PCDH15: variants seen among roughly 807,000 people sequenced by gnomAD.
The protein encoded by PCDH15 is protocadherin related 15.
A neutral mutation model predicts 178.5 loss-of-function variants in PCDH15; 129 were observed. The observed-to-expected ratio is 0.72, with a 90% confidence interval of 0.63 to 0.84. The LOEUF (loss-of-function observed/expected upper bound fraction) is 0.84. Ranked by LOEUF, PCDH15 falls within the 40% of genes least tolerant of loss-of-function variation. The pLI is 0.00. For missense variants in PCDH15, 2,230 were observed against 2,099.9 expected (o/e 1.06, Z -1.21); for synonymous variants, 800 against 732.0 (o/e 1.09, Z -1.50).
rs1488441993 is a variant in PCDH15, at chr10:55,343,856, C to T, written c.-155-177205G>A. ...ACAGTCAATAAAATAGTTAGAAAAA[C>T]AGAAAAAAACTCAATGCCTTCAAAA... On this transcript the variant is annotated intron_variant, in intron 2 of 5. Transcript: ENST00000613346. Among the ~76,000 whole-genome samples the T allele has an allele frequency of 2.0e-5, 3 of 151,924 alleles. No individual in the cohort carries two copies. In the East Asian group the frequency reaches 5.8e-4, roughly 29 times the overall value.
chr10:54,666,690 A>T (rs2094577256), intron 1 of PCDH15, among the ~76,000 whole-genome samples: 1 of 152,058 alleles, frequency 6.6e-6, no homozygotes. Context: ...TATATATTGG[A>T]AAACAAAATT....
intron 20 of PCDH15, among the ~76,000 whole-genome samples, chr10:54,009,448 G>A (rs1274670618): frequency 2.0e-5 from 3 of 152,044 alleles, no homozygotes; most frequent in Non-Finnish European, 4.4e-5. Flanking sequence ...AGAAGAAATG[G>A]CATCAATTTG....
At chr10:54,419,408 C>T (rs1334095134) in intron 3 of PCDH15, among the ~76,000 whole-genome samples, 1 of 152,030 alleles carries the variant, frequency 6.6e-6, no homozygotes, top group Admixed American at 6.6e-5. Context: ...CTAATTCCTT[C>T]ATTTGCATTT....
intron 2 of PCDH15, among the ~76,000 whole-genome samples, chr10:54,919,896 A>G (rs979538754): frequency 2.4e-4 from 37 of 152,252 alleles, no homozygotes; most frequent in African/African-American, 8.9e-4. Flanking sequence ...GGTTTGGGAA[A>G]AAAAAAAGGC....
chr10:54,455,173 C>T (rs1369104381), intron 3 of PCDH15, among the ~76,000 whole-genome samples: 1 of 152,110 alleles, frequency 6.6e-6, no homozygotes, highest in African/African-American at 2.4e-5. Flanking sequence ...TTAATTATAC[C>T]TCTTTTCTTT....
At position 54,105,500 on chromosome 10, in the gene PCDH15, G is replaced by A. The variant is rs952030831; in HGVS notation, c.1918-15437C>T. Among the ~76,000 whole-genome samples, 7 of 152,068 alleles carry A rather than the reference G, an allele frequency of 4.6e-5. 1 individual carries two copies. The East Asian group carries it at 1.4e-3, about 29-fold the overall frequency. ...AAAGCTGAAGAACTTAGAGTCCAAT[G>A]TTCAAGGGCAGGAAGCATCCAGCAC... is the stretch of plus-strand genomic sequence containing the variant. On this transcript the variant is annotated intron_variant, in intron 15 of 37. Transcript: ENST00000644397.
chr10:55,181,577 T>A (rs1839648571), intron 1 of PCDH15, among the ~76,000 whole-genome samples: 2 of 151,964 alleles, frequency 1.3e-5, no homozygotes, highest in African/African-American at 4.8e-5. Flanking sequence ...CTATTTTAAA[T>A]TTATTGACGA....
chr10:55,383,507 T>C (rs1183596956), intron 2 of PCDH15, among the ~76,000 whole-genome samples: 3 of 152,150 alleles, frequency 2.0e-5, no homozygotes, highest in African/African-American at 7.2e-5. Context: ...AACCATCCTC[T>C]TTTACCCCCT....
intron 3 of PCDH15, among the ~76,000 whole-genome samples, chr10:54,855,623 C>T (rs996407735): frequency 6.6e-6 from 1 of 152,128 alleles, no homozygotes; most frequent in Non-Finnish European, 1.5e-5. Flanking sequence ...ATCTGAGGAT[C>T]TTTATATTGC....
In PCDH15 at chr10:55,007,850, T is replaced by C. The variant is rs141910678; in HGVS notation, c.-79-110350A>G. Among the ~76,000 whole-genome samples the C allele has an allele frequency of 5.0e-3, 755 of 152,266 alleles. 9 individuals are homozygous for C. Among genetic ancestry groups the C allele is most frequent in the African/African-American group, 0.017 (717 of 41,556 alleles). ...AAAAATATAAATAAGGGGAGAGGACTGTTTAACCATAAATATGACTAAAGA... is the reference window on the plus strand; with the variant it reads ...AAAAATATAAATAAGGGGAGAGGACCGTTTAACCATAAATATGACTAAAGA... On this transcript the variant is annotated intron_variant, in intron 2 of 5. Coordinates refer to the PCDH15 transcript ENST00000458638.
chr10:54,222,951 C>T (rs1024996468), intron 9 of PCDH15, among the ~76,000 whole-genome samples: 4 of 152,112 alleles, frequency 2.6e-5, no homozygotes, highest in Non-Finnish European at 1.5e-5. Context: ...AAAGCAAATG[C>T]GTTTTTACTT....
intron 16 of PCDH15, among the ~76,000 whole-genome samples, chr10:54,089,442 T>C (rs72797021): frequency 0.2 from 30,521 of 152,178 alleles, 3,332 homozygotes; most frequent in Non-Finnish European, 0.25. Flanking sequence ...TTTTAATGCC[T>C]GCTCCCAGTT....
In PCDH15 at chr10:54,766,735, C is replaced by A. The variant is rs528969027; in HGVS notation, c.-29+34190G>T. On this transcript the variant is annotated intron_variant, in intron 1 of 37. Coordinates refer to ENST00000644397, the MANE Select transcript of PCDH15 (RefSeq NM_001384140.1). ...ACAAGATCAGGAGATAGAGACCATCCTGGCTAACACGGTGAAACCCCATCT... is the reference window on the plus strand; with the variant it reads ...ACAAGATCAGGAGATAGAGACCATCATGGCTAACACGGTGAAACCCCATCT... Among the ~76,000 whole-genome samples the A allele has an allele frequency of 4.6e-5, 7 of 152,040 alleles. 1 individual carries two copies. The highest frequency in any genetic ancestry group is 1.7e-4 in the African/African-American group (7 of 41,454).
intron 21 of PCDH15, among the ~76,000 whole-genome samples, chr10:53,972,483 C>T (rs1258252727): frequency 1.3e-5 from 2 of 152,078 alleles, no homozygotes; most frequent in Non-Finnish European, 2.9e-5. Flanking sequence ...AAAGAAACTA[C>T]CACCAGAATG....
At position 54,225,457 on chromosome 10, in the gene PCDH15, G is replaced by A. The variant is rs187166730; in HGVS notation, c.985+11366C>T. ...AAGTGATTCTTCCTTACCTTAGAAC[G>A]TCTCTCTGATGTGTTCCTTTTTCAT... On this transcript the variant is annotated intron_variant, in intron 9 of 37. Transcript: ENST00000644397. Among the ~76,000 whole-genome samples, 41 of 152,180 alleles carry A rather than the reference G, an allele frequency of 2.7e-4. 1 individual carries two copies. Among genetic ancestry groups the A allele is most frequent in the African/African-American group, 8.4e-4 (35 of 41,528 alleles).
chr10:55,070,217 A>G (rs1323233434), intron 2 of PCDH15, among the ~76,000 whole-genome samples: 1 of 152,058 alleles, frequency 6.6e-6, no homozygotes, highest in Non-Finnish European at 1.5e-5. Flanking sequence ...ATTTTCTTCC[A>G]TTCTGTAGGT....
intron 8 of PCDH15, among the ~76,000 whole-genome samples, chr10:54,307,052 A>ATATG (rs1465112996): frequency 1.1e-4 from 1 of 8,858 alleles, no homozygotes. Context: ...ATATATATAT[A>ATATG]TATATATATA....
At chr10:55,192,871 A>T (rs1839981477) in intron 1 of PCDH15, among the ~76,000 whole-genome samples, 1 of 151,484 alleles carries the variant, frequency 6.6e-6, no homozygotes, top group Admixed American at 6.6e-5. Flanking sequence ...ATGAGTTTAT[A>T]TGTATATACA....
intron 1 of PCDH15, among the ~76,000 whole-genome samples, chr10:54,752,249 G>T (rs1946330267): frequency 6.6e-6 from 1 of 151,252 alleles, no homozygotes; most frequent in Non-Finnish European, 1.5e-5. Context: ...GGCCGAGGCG[G>T]ACAGATCATG....
Sources: gnomAD v4.1 joint callset for allele counts (sites outside exome capture counted in the v4.1 genomes callset) on GRCh38, gnomAD v4.1.1 for gene constraint, MANE v1.5 for transcripts, NCBI Gene and HGNC (gene_info 2026-07-23, HGNC 2026-07-21) for gene names.